The following CCDC171 variants were observed in gnomAD, a reference collection of about 807,000 sequenced individuals.
CCDC171 encodes coiled-coil domain-containing protein 171.
A neutral mutation model predicts 168.2 loss-of-function variants in CCDC171; 177 were observed. That is an observed-to-expected ratio of 1.05 (90% CI 0.93 to 1.19). CCDC171 has a LOEUF of 1.19. Among genes scored for constraint, CCDC171 ranks in the 50% most tolerant of loss-of-function variants. The pLI is 0.00. For synonymous variants in CCDC171, 687 were observed against 540.8 expected, an observed-to-expected ratio of 1.27 and a Z score of -3.75; for missense variants, 1,991 against 1,539.0, an observed-to-expected ratio of 1.29 and a Z score of -4.91.
downstream of CCDC171, among the ~76,000 whole-genome samples, chr9:15,977,635 G>T (rs943360305): frequency 1.3e-5 from 2 of 152,144 alleles, no homozygotes; most frequent in Admixed American, 6.6e-5. Flanking sequence ...GTCTTTTATT[G>T]CATGTTAATG....
intron 3 of CCDC171, among the ~76,000 whole-genome samples, chr9:16,005,791 G>A (rs1832677169): frequency 6.6e-6 from 1 of 152,156 alleles, no homozygotes; most frequent in African/African-American, 2.4e-5. Context: ...TCCTGGGCTA[G>A]GGGTGAGGGT....
At chr9:15,957,038 T>C (rs1469055350) in intron 25 of CCDC171, among the ~76,000 whole-genome samples, 1 of 151,844 alleles carries the variant, frequency 6.6e-6, no homozygotes, top group East Asian at 1.9e-4. Flanking sequence ...TCTGTTTTTT[T>C]TTTTTTGAGG....
intron 24 of CCDC171, among the ~76,000 whole-genome samples, chr9:15,893,637 C>G (rs938156040): frequency 4.6e-5 from 7 of 152,106 alleles, no homozygotes; most frequent in Non-Finnish European, 8.8e-5. Context: ...ACAAACACTT[C>G]TCAAAAGGAG....
intron 25 of CCDC171, among the ~76,000 whole-genome samples, chr9:15,946,324 T>G (rs541590427): frequency 1.3e-5 from 2 of 151,984 alleles, no homozygotes; most frequent in Non-Finnish European, 2.9e-5. Context: ...CAGCAAAGTC[T>G]CAGGATACAA....
intron 18 of CCDC171, among the ~76,000 whole-genome samples, chr9:15,754,421 A>G (rs906789321): frequency 2.0e-5 from 3 of 152,128 alleles, no homozygotes; most frequent in Admixed American, 1.3e-4. Context: ...CTTTTTGAGC[A>G]TTGTGTATAA....
chr9:15,775,760 G>T (rs2057290198), intron 18 of CCDC171, among the ~76,000 whole-genome samples: 1 of 152,170 alleles, frequency 6.6e-6, no homozygotes, highest in Non-Finnish European at 1.5e-5. Flanking sequence ...CATAGCTTAA[G>T]AGTTAACATT....
chr9:15,850,357 A>G (rs925965971), intron 23 of CCDC171: 17 of 151,934 alleles, frequency 1.1e-4, no homozygotes, highest in African/African-American at 4.1e-4. Flanking sequence ...GGCAAAATAT[A>G]TCGTTTAAAT....
chr9:15,618,129 C>G (rs1025544729), intron 6 of CCDC171, among the ~76,000 whole-genome samples: 2 of 152,198 alleles, frequency 1.3e-5, no homozygotes, highest in Non-Finnish European at 2.9e-5. Flanking sequence ...CTGCAGCCGC[C>G]CCTTCCCCCA....
chr9:15,784,808 C>A, intron 21 of CCDC171, 114 bp downstream of exon 21: 3 of 758,996 alleles, frequency 4.0e-6, no homozygotes, highest in Non-Finnish European at 6.1e-6. Flanking sequence ...AAATTTTATT[C>A]TATGAGGATA....
intron 18 of CCDC171, among the ~76,000 whole-genome samples, chr9:15,753,322 G>A (rs1404079703): frequency 2.0e-5 from 3 of 152,162 alleles, no homozygotes; most frequent in African/African-American, 4.8e-5. Flanking sequence ...GTTAAGCAGA[G>A]ATGCAGTTGT....
At chr9:15,624,840 A>C (rs990528162) in intron 7 of CCDC171, among the ~76,000 whole-genome samples, 3 of 152,152 alleles carry the variant, frequency 2.0e-5, no homozygotes, top group African/African-American at 7.2e-5. Context: ...TAATGGGATC[A>C]CTGGGTTAAA....
intron 22 of CCDC171, 35 bp from the exon 23 acceptor site, chr9:15,848,858 A>G: frequency 7.9e-7 from 1 of 1,266,372 alleles, no homozygotes; most frequent in East Asian, 2.4e-5. Context: ...GTAAGGTTTG[A>G]GTTTTACTAA....
chr9:15,967,182 G>A (rs1188648765), intron 25 of CCDC171, among the ~76,000 whole-genome samples: 2 of 152,128 alleles, frequency 1.3e-5, no homozygotes, highest in Non-Finnish European at 1.5e-5. Context: ...ACTGAGTATT[G>A]AGACTCTGGT....
chr9:15,584,541 C>T (rs2041400578), intron 4 of CCDC171, among the ~76,000 whole-genome samples: 1 of 152,144 alleles, frequency 6.6e-6, no homozygotes. Context: ...CCTGTTTGTT[C>T]AGTAGCATTT....
intron 25 of CCDC171, among the ~76,000 whole-genome samples, chr9:15,954,605 C>T (rs928514300): frequency 3.3e-5 from 5 of 151,534 alleles, no homozygotes; most frequent in African/African-American, 4.8e-5. Flanking sequence ...CACTTTTCTT[C>T]GATCATTTTT....
At chr9:16,103,800 C>G in the CCDC171 span, among the ~76,000 whole-genome samples, 1 of 152,168 alleles carries the variant, frequency 6.6e-6, no homozygotes, top group Admixed American at 6.5e-5. Flanking sequence ...GGGCCTGCCC[C>G]CCAGTGATTT....
At chr9:15,719,090 A>T (rs904067935) in intron 11 of CCDC171, among the ~76,000 whole-genome samples, 13 of 152,146 alleles carry the variant, frequency 8.5e-5, no homozygotes, top group African/African-American at 3.1e-4. Flanking sequence ...TTAATATAAC[A>T]CAGAGAAGTA....
At chr9:15,896,863 C>T (rs1180146869) in intron 24 of CCDC171, among the ~76,000 whole-genome samples, 1 of 151,878 alleles carries the variant, frequency 6.6e-6, no homozygotes. Flanking sequence ...CATGTAGGAC[C>T]GAATATGGGC....
At chr9:15,763,287 A>G (rs1459955208) in intron 18 of CCDC171, among the ~76,000 whole-genome samples, 1 of 152,156 alleles carries the variant, frequency 6.6e-6, no homozygotes, top group Non-Finnish European at 1.5e-5. Context: ...TGGAGTTTTG[A>G]TGTCCAGAGT....
Sources: gnomAD v4.1 joint callset for allele counts (sites outside exome capture counted in the v4.1 genomes callset) on GRCh38, gnomAD v4.1.1 for gene constraint, MANE v1.5 for transcripts, NCBI Gene and HGNC (gene_info 2026-07-23, HGNC 2026-07-21) for gene names.